Variants in SDK1 observed in about 807,000 individuals in gnomAD.
SDK1 encodes sidekick cell adhesion molecule 1.
In SDK1, 157 loss-of-function variants were observed where a neutral mutation model predicts 245.5. The observed-to-expected ratio is 0.64, with a 90% CI of 0.56 to 0.73. The LOEUF (loss-of-function observed/expected upper bound fraction) is 0.73. Among genes scored for constraint, SDK1 ranks in the 30% least tolerant of loss-of-function variants. SDK1 has a pLI of 0.00. For synonymous variants in SDK1, 1,647 were observed against 1,278.5 expected (o/e 1.29, Z -6.15); for missense variants, 3,583 against 3,002.3 (o/e 1.19, Z -4.52).
intron 5 of SDK1, among the ~76,000 whole-genome samples, chr7:3,888,512 C>A (rs1001832035): frequency 6.6e-6 from 1 of 152,152 alleles, no homozygotes; most frequent in Admixed American, 6.5e-5. Context: ...AATGGTGATG[C>A]GTTAATAGAC....
chr7:3,423,117 A>G (rs978555435), intron 1 of SDK1, among the ~76,000 whole-genome samples: 1 of 152,226 alleles, frequency 6.6e-6, no homozygotes, highest in Non-Finnish European at 1.5e-5. Context: ...GCAGGAAACT[A>G]TTGTAAATCC....
chr7:3,542,849 C>T (rs1779096845), intron 1 of SDK1, among the ~76,000 whole-genome samples: 1 of 152,146 alleles, frequency 6.6e-6, no homozygotes, highest in Non-Finnish European at 1.5e-5. Flanking sequence ...ACAAAGACTT[C>T]TAAGAAGGAA....
intron 5 of SDK1, among the ~76,000 whole-genome samples, chr7:3,901,086 C>A (rs975597714): frequency 6.6e-6 from 1 of 152,214 alleles, no homozygotes; most frequent in Non-Finnish European, 1.5e-5. Context: ...ACATTGACAT[C>A]TTTGAAAACT....
intron 5 of SDK1, among the ~76,000 whole-genome samples, chr7:3,919,541 G>A (rs1050849239): frequency 1.3e-5 from 2 of 152,182 alleles, no homozygotes; most frequent in Admixed American, 1.3e-4. Context: ...ACCCTCCCTG[G>A]TGAACTGAAA....
intron 1 of SDK1, among the ~76,000 whole-genome samples, chr7:3,587,771 C>T (rs773128326): frequency 2.5e-4 from 38 of 152,220 alleles, no homozygotes; most frequent in Non-Finnish European, 5.0e-4. Context: ...AGTACACTGC[C>T]CCTTGGCCTT....
In SDK1 at chr7:3,370,584, G is replaced by A. The variant is rs535181451; in HGVS notation, c.298+68700G>A. Among the ~76,000 whole-genome samples the A allele has an allele frequency of 1.6e-4, 25 of 152,258 alleles. No homozygotes were observed. The East Asian group carries it at 4.4e-3, about 27-fold the overall frequency. On this transcript the variant is annotated intron_variant, in intron 1 of 44. Coordinates refer to ENST00000404826, the MANE Select transcript of SDK1 (RefSeq NM_152744.4). ...GTGGACTACTTGGGCCCGATATACCGCTTCCAAATTCTCGTTAAAACGTCC... is the reference window on the plus strand; with the variant it reads ...GTGGACTACTTGGGCCCGATATACCACTTCCAAATTCTCGTTAAAACGTCC...
intron 1 of SDK1, among the ~76,000 whole-genome samples, chr7:3,474,089 GT>G (rs1781267856): frequency 2.1e-5 from 2 of 97,092 alleles, no homozygotes; most frequent in African/African-American, 4.8e-5. Flanking sequence ...CTACCAGATG[GT>G]GTTTTTTTTT....
At chr7:3,504,704 A>G (rs115165290) in intron 1 of SDK1, among the ~76,000 whole-genome samples, 1 of 152,040 alleles carries the variant, frequency 6.6e-6, no homozygotes, top group Non-Finnish European at 1.5e-5. Flanking sequence ...AGAGGAAAAC[A>G]TTGGAGTAAA....
chr7:4,174,397 T>C (rs752268114), intron 33 of SDK1, 40 bp downstream of exon 33: 2 of 1,607,256 alleles, frequency 1.2e-6, no homozygotes, highest in Admixed American at 3.3e-5. Flanking sequence ...GGAGGGAGGT[T>C]CCCAGGGGAC....
intron 1 of SDK1, among the ~76,000 whole-genome samples, chr7:3,446,272 T>G (rs1780338689): frequency 1.3e-5 from 2 of 152,180 alleles, no homozygotes; most frequent in Non-Finnish European, 2.9e-5. Flanking sequence ...CTCTATTTTG[T>G]GGATAAAGAA....
intron 1 of SDK1, among the ~76,000 whole-genome samples, chr7:3,593,994 G>C (rs1780972255): frequency 6.6e-6 from 1 of 152,146 alleles, no homozygotes; most frequent in Non-Finnish European, 1.5e-5. Context: ...TTTAAAGTGT[G>C]TAATTCATGA....
intron 1 of SDK1, among the ~76,000 whole-genome samples, chr7:3,354,350 A>G (rs529197883): frequency 5.3e-5 from 8 of 152,260 alleles, no homozygotes; most frequent in African/African-American, 1.9e-4. Flanking sequence ...ACAGGGATAT[A>G]AACCTATTAG....
intron 1 of SDK1, among the ~76,000 whole-genome samples, chr7:3,485,208 G>A (rs1442629555): frequency 6.6e-6 from 1 of 152,118 alleles, no homozygotes; most frequent in Non-Finnish European, 1.5e-5. Flanking sequence ...TCTGGGGTGA[G>A]ATGAAATCTC....
In SDK1 at chr7:3,301,336, G is replaced by T; in HGVS notation, c.-251G>T. On this transcript the variant is annotated 5_prime_UTR_variant, in exon 1 of 45. Coordinates refer to ENST00000404826, the MANE Select transcript of SDK1 (RefSeq NM_152744.4). ...GGACCCCTCGGAGCTAGCGCGGCGG[G>T]CTCGGGACTGCGTGAGCGCCGGACG... 1 of 147,796 alleles carries T rather than the reference G, an allele frequency of 6.8e-6. No individual in the cohort carries two copies. Among genetic ancestry groups the T allele is most frequent in the Non-Finnish European group, 1.5e-5 (1 of 66,108 alleles). The allele number at this position is 147,796 out of a possible 1,614,324, so 9.2% of individuals were successfully genotyped here.
At chr7:3,636,570 C>T (rs7800738) in intron 2 of SDK1, among the ~76,000 whole-genome samples, 10,768 of 152,238 alleles carry the variant, frequency 0.071, 755 homozygotes, top group East Asian at 0.35. Context: ...AATATTCCAT[C>T]GTGTGTATAC....
At chr7:3,825,443 A>G (rs977557860) in intron 5 of SDK1, among the ~76,000 whole-genome samples, 4 of 152,170 alleles carry the variant, frequency 2.6e-5, no homozygotes, top group African/African-American at 4.8e-5. Context: ...CCAATATTCA[A>G]AATGTCCAAT....
At chr7:3,679,009 A>G (rs1417551672) in intron 4 of SDK1, among the ~76,000 whole-genome samples, 3 of 152,222 alleles carry the variant, frequency 2.0e-5, no homozygotes, top group African/African-American at 7.2e-5. Context: ...TTTTTGGAAA[A>G]CACAGGAGGA....
At position 4,077,128 on chromosome 7, in the gene SDK1, T is replaced by C. The variant is rs758137387; in HGVS notation, c.3141T>C (p.Ala1047=). 1.2e-6 allele frequency: 2 copies of C among 1,614,244 alleles called. No individual in the cohort carries two copies. Among genetic ancestry groups the C allele is most frequent in the East Asian group, 2.2e-5 (1 of 44,876 alleles). Residue 1047 remains alanine (A), a synonymous_variant, in exon 21 of 45, where the codon GCT becomes GCC. Transcript: ENST00000404826. ...SLTTYTIDVA[A]VTAVGTGLVT... is the part of the protein sequence containing the mutation. ...CCACCTACACCATCGACGTGGCCGC[T>C]GTGACTGCCGTGGGCACTGGCCTGG...
intron 5 of SDK1, among the ~76,000 whole-genome samples, chr7:3,938,800 A>G (rs1780255025): frequency 6.6e-6 from 1 of 152,204 alleles, no homozygotes; most frequent in East Asian, 1.9e-4. Flanking sequence ...GCTCATCCTG[A>G]ACTAAATAAA....
Sources: gnomAD v4.1 joint callset for allele counts (sites outside exome capture counted in the v4.1 genomes callset) on GRCh38, gnomAD v4.1.1 for gene constraint, MANE v1.5 for transcripts, NCBI Gene and HGNC (gene_info 2026-07-23, HGNC 2026-07-21) for gene names.